ANKRD26: variants seen among roughly 807,000 people sequenced by gnomAD.
The protein encoded by ANKRD26 is ankyrin repeat domain 26.
ANKRD26 carries 141 observed loss-of-function variants against 208.7 expected under a neutral mutation model. The ratio of observed to expected loss-of-function variants is 0.68; its 90% CI spans 0.59 to 0.78. The LOEUF (loss-of-function observed/expected upper bound fraction) is 0.78. ANKRD26 is among the 30% of genes least tolerant of loss of function. The probability of loss-of-function intolerance (pLI) is 0.00; values close to 1 mark genes in which losing one functional copy is unlikely to be tolerated. For missense variants in ANKRD26, 1,889 were observed against 1,938.7 expected (o/e 0.97, Z 0.48); for synonymous variants, 636 against 660.4 (o/e 0.96, Z 0.57).
At chr10:26,960,527 A>G in the ANKRD26 span, among the ~76,000 whole-genome samples, 1 of 152,342 alleles carries the variant, frequency 6.6e-6, no homozygotes, top group Admixed American at 6.5e-5. Flanking sequence ...AGACTCACCC[A>G]GCCAGGCTCT....
chr10:27,068,526 T>A (rs1016943809), intron 9 of ANKRD26, among the ~76,000 whole-genome samples: 17 of 152,066 alleles, frequency 1.1e-4, no homozygotes, highest in African/African-American at 4.1e-4. Flanking sequence ...GGATGAGGCA[T>A]GAAACAACAC....
At chr10:27,072,269 G>A (rs2055531729) in intron 9 of ANKRD26, among the ~76,000 whole-genome samples, 1 of 152,208 alleles carries the variant, frequency 6.6e-6, no homozygotes, top group Non-Finnish European at 1.5e-5. Flanking sequence ...GACCTGCCTT[G>A]CCAAGCCCGT....
Position 27,060,425 on chromosome 10 carries a change from G to T in ANKRD26, c.1492-8C>A. 6.2e-7 allele frequency: 1 copy of T among 1,606,874 alleles called. No individual in the cohort carries two copies. Among genetic ancestry groups the T allele is most frequent in the Non-Finnish European group, 8.5e-7 (1 of 1,173,850 alleles). ...TTTCATTTCAATGGTAGGCTGAATG[G>T]GTTTTGAAACAAAATGATTAATAAA... On this transcript the variant is annotated splice_polypyrimidine_tract_variant and splice_region_variant and intron_variant, in intron 14 of 33. Transcript: ENST00000376087.
chr10:27,071,869 A>G (rs879415935), intron 9 of ANKRD26, among the ~76,000 whole-genome samples: 36 of 152,146 alleles, frequency 2.4e-4, no homozygotes, highest in Admixed American at 2.4e-3. Context: ...CACAAGAAAA[A>G]GCGGCATCCC....
chr10:27,065,939 C>T (rs1382313710), intron 11 of ANKRD26, among the ~76,000 whole-genome samples: 1 of 137,192 alleles, frequency 7.3e-6, no homozygotes, highest in Non-Finnish European at 1.5e-5. Context: ...GATCTCAGCT[C>T]ACTACAACCT....
chr10:26,956,754 T>C, the ANKRD26 span, among the ~76,000 whole-genome samples: 1 of 152,206 alleles, frequency 6.6e-6, no homozygotes, highest in Admixed American at 6.5e-5. Context: ...TCCATTCCAC[T>C]GGCTCACCGA....
rs930129474 is a variant in ANKRD26 at position 27,069,313 on chromosome 10, T to C, written c.1078-2027A>G. ...AGGGAAAACTGGAGTGCAAGATTTC[T>C]CCTGCTTCAATGTTTCAGTGCTACT... On this transcript the variant is annotated intron_variant, in intron 9 of 33. Transcript: ENST00000376087. Among the ~76,000 whole-genome samples the C allele has an allele frequency of 2.0e-5, 3 of 151,920 alleles. No individual in the cohort carries two copies. The East Asian group carries it at 5.8e-4, about 29-fold the overall frequency.
chr10:27,036,060 A>AATCTGACCACATTAAAAAG (rs1475484703), intron 23 of ANKRD26, among the ~76,000 whole-genome samples: 2 of 152,100 alleles, frequency 1.3e-5, no homozygotes, highest in Non-Finnish European at 2.9e-5. Flanking sequence ...ATAAAAGATT[A>AATCTGACCACATTAAAAAG]ATAATTTGAC....
intron 4 of ANKRD26, chr10:26,995,259 G>C (rs142273667): frequency 1.0e-4 from 46 of 452,368 alleles, no homozygotes; most frequent in African/African-American, 8.6e-4. Context: ...GTTATGATGA[G>C]AGTTTAGAAG....
chr10:26,965,743 T>G, the ANKRD26 span, among the ~76,000 whole-genome samples: 1 of 151,922 alleles, frequency 6.6e-6, no homozygotes, highest in African/African-American at 2.4e-5. Flanking sequence ...CTGACAAAGG[T>G]CTAATATCCA....
At chr10:27,037,437 C>T (rs2054081313) in intron 22 of ANKRD26, 114 bp from the exon 23 acceptor site, 2 of 1,138,646 alleles carry the variant, frequency 1.8e-6, no homozygotes, top group Non-Finnish European at 2.5e-6. Flanking sequence ...CATTAAAATG[C>T]AAGAACCTTT....
chr10:26,992,630 G>A (rs2052510812), intron 5 of ANKRD26, among the ~76,000 whole-genome samples: 1 of 152,062 alleles, frequency 6.6e-6, no homozygotes, highest in Non-Finnish European at 1.5e-5. Flanking sequence ...TATTACTCTA[G>A]CCTTTTTGGT....
intron 25 of ANKRD26, among the ~76,000 whole-genome samples, chr10:27,032,314 CA>C (rs1203387702): frequency 6.6e-5 from 10 of 152,026 alleles, no homozygotes; most frequent in Non-Finnish European, 1.5e-4. Context: ...GCCTGGCCAA[CA>C]GGGTGAAACC....
At chr10:27,006,875 A>G in intron 33 of ANKRD26, 42 bp downstream of exon 33, 1 of 1,467,130 alleles carries the variant, frequency 6.8e-7, no homozygotes, top group Non-Finnish European at 9.5e-7. Context: ...TCAGAAATCA[A>G]TTAATTAATC....
chr10:27,092,555 A>G, intron 3 of ANKRD26, 43 bp from the exon 4 acceptor site: 1 of 1,421,184 alleles, frequency 7.0e-7, no homozygotes, highest in South Asian at 1.2e-5. Context: ...AAAATTACAT[A>G]ATTCTCGGCT....
Position 27,040,131 on chromosome 10 carries a change from T to C in ANKRD26, c.2209A>G (p.Arg737Gly). The C allele has an allele frequency of 6.2e-7, 1 of 1,613,104 alleles. No homozygotes were observed. The highest frequency in any genetic ancestry group is 8.5e-7 in the Non-Finnish European group (1 of 1,179,688). The change falls in exon 21 of 34, where the codon AGA (arginine) becomes GGA (glycine). Residue 737 changes from arginine (R) to glycine (G), a missense_variant. This residue lies in a region of ANKRD26 where 1,272 missense variants were observed against 1,273.8 expected (regional missense o/e 1.00). Coordinates refer to ENST00000376087, the MANE Select transcript of ANKRD26 (RefSeq NM_014915.3). ...TGATTTTTTTTAAGTTCTAATAATC[T>C]TTCACATGAAAGAGCTGCATCCTGG... ...KIQDAALSCE[R>G]LLELKKNHCE...
At chr10:27,046,100 C>A in intron 18 of ANKRD26, 1 of 406,090 alleles carries the variant, frequency 2.5e-6, no homozygotes, top group Non-Finnish European at 4.4e-6. Flanking sequence ...CTTCAGTTAC[C>A]ACCCATTTAC....
the ANKRD26 span, among the ~76,000 whole-genome samples, chr10:26,960,388 A>G: frequency 6.6e-6 from 1 of 152,178 alleles, no homozygotes; most frequent in Non-Finnish European, 1.5e-5. Flanking sequence ...AGACGGCCCC[A>G]GCTGAGCGCA....
intron 4 of ANKRD26, among the ~76,000 whole-genome samples, chr10:27,088,947 CTG>C (rs1299427687): frequency 6.6e-6 from 1 of 152,184 alleles, no homozygotes; most frequent in African/African-American, 2.4e-5. Flanking sequence ...TTTGCTCACT[CTG>C]TGTGTGGCTA....
Sources: allele counts gnomAD v4.1 joint callset (sites outside exome capture counted in the v4.1 genomes callset), GRCh38; gene constraint gnomAD v4.1.1; regional missense constraint gnomAD v4.1.1; transcripts MANE v1.5; gene names NCBI Gene and HGNC (gene_info 2026-07-23, HGNC 2026-07-21).